ZNF568: variants seen among roughly 807,000 people sequenced by gnomAD.
The protein encoded by ZNF568 is p53 inhibitor of SCO2 activation.
ZNF568 carries 11 observed loss-of-function variants against 18.1 expected under a neutral mutation model. That is an observed-to-expected ratio of 0.61 (90% CI 0.38 to 1.00). ZNF568 has a LOEUF of 1.00. ZNF568 is among the 50% of genes least tolerant of loss of function. The probability of loss-of-function intolerance (pLI) is 0.01; values close to 1 mark genes in which losing one functional copy is unlikely to be tolerated. For synonymous variants in ZNF568, 213 were observed against 246.6 expected (o/e 0.86, Z 1.28); for missense variants, 639 against 768.2 (o/e 0.83, Z 1.99).
chr19:36,928,911 ATTGTCTTTAAC>A (rs747364976), intron 4 of ZNF568, among the ~76,000 whole-genome samples: 93 of 68,824 alleles, frequency 1.4e-3, no homozygotes, highest in Middle Eastern at 6.6e-3. Context: ...ATTAATATAA[ATTGTCTTTAAC>A]CTACATAGAT....
At chr19:36,982,124 TG>T, downstream of ZNF568, among the ~76,000 whole-genome samples, 1 of 152,166 alleles carries the variant, frequency 6.6e-6, no homozygotes, top group Non-Finnish European at 1.5e-5. Flanking sequence ...TGTAAATAAT[TG>T]TCTTTGTCTA....
Position 36,950,243 on chromosome 19 carries a change from T to C in ZNF568, c.1090T>C (p.Cys364Arg), listed in dbSNP as rs776671384. Reference protein sequence around the residue: ...KIHTGEKPYACNECGRAFSRM... With the variant: ...KIHTGEKPYARNECGRAFSRM... ...TCATACTGGGGAGAAACCTTATGCATGTAATGAATGTGGTAGAGCTTTTTC... is the reference window on the plus strand; with the variant it reads ...TCATACTGGGGAGAAACCTTATGCACGTAATGAATGTGGTAGAGCTTTTTC... Residue 364 changes from cysteine to arginine, a missense_variant, in exon 7 of 7, where the codon TGT becomes CGT. Coordinates refer to ENST00000333987, the MANE Select transcript of ZNF568 (RefSeq NM_198539.4). The C allele has an allele frequency of 6.2e-7, 1 of 1,613,966 alleles. No homozygotes were observed. Among genetic ancestry groups the C allele is most frequent in the Non-Finnish European group, 8.5e-7 (1 of 1,179,928 alleles).
chr19:36,923,434 C>T (rs996840288), intron 3 of ZNF568, among the ~76,000 whole-genome samples: 2 of 151,936 alleles, frequency 1.3e-5, no homozygotes, highest in African/African-American at 4.8e-5. Flanking sequence ...GTCAGTTTCC[C>T]CAGCAAGAAG....
rs1387070062 is a variant in ZNF568 at position 36,922,716 on chromosome 19, C to T, written c.-55C>T. ...TGGAGAGTCCTGAAAGAGAGTGGAC[C>T]CTGGAGTTGCTGGAGCTTGTCTTGA... is the stretch of plus-strand genomic sequence containing the variant. On this transcript the variant is annotated 5_prime_UTR_variant, in exon 3 of 7. Coordinates refer to ENST00000333987, the MANE Select transcript of ZNF568 (RefSeq NM_198539.4). The T allele has an allele frequency of 6.6e-7, 1 of 1,525,822 alleles. No homozygotes were observed. The allele number at this position is 1,525,822 out of a possible 1,614,324, so 94.5% of individuals were successfully genotyped here.
intron 2 of ZNF568, among the ~76,000 whole-genome samples, chr19:36,919,328 G>T (rs2146262855): frequency 6.6e-6 from 1 of 152,240 alleles, no homozygotes; most frequent in African/African-American, 2.4e-5. Flanking sequence ...ATAGTCATGT[G>T]CCATATATGT....
exon 5 of ZNF568, chr19:36,997,157 G>A (rs534344112): frequency 1.3e-6 from 2 of 1,587,370 alleles, no homozygotes; most frequent in East Asian, 2.3e-5. Context: ...AAGGTGTACA[G>A]TTGTGCCTCA....
intron 7 of ZNF568, among the ~76,000 whole-genome samples, chr19:36,977,740 T>C (rs1175016691): frequency 1.3e-5 from 2 of 152,230 alleles, no homozygotes; most frequent in East Asian, 3.9e-4. Flanking sequence ...TCTCCCTGTA[T>C]CTTCTGTCCT....
chr19:36,997,474 G>C, downstream of ZNF568: 2 of 1,588,028 alleles, frequency 1.3e-6, no homozygotes, highest in Non-Finnish European at 1.7e-6. Context: ...TAAGTGTAAG[G>C]AATGTGGGAA....
chr19:36,938,058 A>G (rs967670728), intron 6 of ZNF568, among the ~76,000 whole-genome samples: 2 of 152,176 alleles, frequency 1.3e-5, no homozygotes, highest in Non-Finnish European at 2.9e-5. Flanking sequence ...GTCTATTTCC[A>G]GAGAAAAACC....
chr19:36,991,862 CT>C (rs1439499469), intron 4 of ZNF568: 6 of 1,552,528 alleles, frequency 3.9e-6, no homozygotes, highest in Non-Finnish European at 5.2e-6. Flanking sequence ...TGACGATGAA[CT>C]GGAATGGGGA....
rs916536240 is a variant in ZNF568 at position 36,924,274 on chromosome 19, A to C, written c.77-926A>C. ...CGCTCTGTCGCCCAGGCTGGAGTGC[A>C]GTGGTGTGATCTCGGCTCACTGCAA... On this transcript the variant is annotated intron_variant, in intron 3 of 6. Transcript: ENST00000333987. Among the ~76,000 whole-genome samples the C allele has an allele frequency of 6.5e-4, 99 of 151,848 alleles. 3 individuals are homozygous for C. Among genetic ancestry groups the C allele is most frequent in the Non-Finnish European group, 8.8e-5 (6 of 67,952 alleles).
intron 3 of ZNF568, among the ~76,000 whole-genome samples, chr19:36,923,054 TTAAGTA>T (rs1366196423): frequency 1.3e-5 from 2 of 152,206 alleles, no homozygotes; most frequent in Non-Finnish European, 2.9e-5. Flanking sequence ...AAGAGTATGT[TTAAGTA>T]TATCTTTAAA....
intron 7 of ZNF568, chr19:36,974,475 C>A: frequency 6.5e-7 from 1 of 1,535,832 alleles, no homozygotes; most frequent in Non-Finnish European, 8.7e-7. Flanking sequence ...AGGTAAGTTG[C>A]ATTTGACATT....
exon 8 of ZNF568, chr19:36,979,332 CAT>C (rs1188156606): frequency 1.9e-5 from 3 of 155,758 alleles, no homozygotes; most frequent in Admixed American, 6.4e-5. Flanking sequence ...AATAGTAGAA[CAT>C]GTGTAATATA....
exon 5 of ZNF568, chr19:36,997,029 G>A (rs764459012): frequency 2.0e-5 from 32 of 1,561,450 alleles, no homozygotes; most frequent in African/African-American, 2.7e-5. Context: ...GAATCCATAC[G>A]GGTGAGAAAC....
rs1162475288 is a variant in ZNF568 at position 36,925,194 on chromosome 19, C to T, written c.77-6C>T. The T allele has an allele frequency of 2.5e-6, 4 of 1,613,808 alleles. No homozygotes were observed. Among genetic ancestry groups the T allele is most frequent in the Non-Finnish European group, 1.7e-6 (2 of 1,179,870 alleles). ...AAGCAAATCTGTTTCATTTCTCTTC[C>T]CTCAGCTTGGTGTTCTCAAGAGTCT... On this transcript the variant is annotated splice_region_variant and splice_polypyrimidine_tract_variant and intron_variant, in intron 3 of 6. Transcript: ENST00000333987.
chr19:36,939,528 C>CTTTCT, intron 6 of ZNF568, among the ~76,000 whole-genome samples: 2 of 114,482 alleles, frequency 1.7e-5, no homozygotes, highest in East Asian at 2.5e-4. Context: ...GATGTATTTT[C>CTTTCT]TTTCTTTTTT....
At chr19:36,956,045 G>A (rs524802), downstream of ZNF568, among the ~76,000 whole-genome samples, 54,607 of 151,976 alleles carry the variant, frequency 0.36, 10,086 homozygotes, top group African/African-American at 0.41. Context: ...AGTGCTTTCA[G>A]TAAGAGGGGT....
intron 4 of ZNF568, among the ~76,000 whole-genome samples, chr19:36,928,466 C>T (rs909217958): frequency 6.6e-6 from 1 of 152,064 alleles, no homozygotes; most frequent in African/African-American, 2.4e-5. Flanking sequence ...CAAGCTAGTA[C>T]CATGTTTACT....
Sources: gnomAD v4.1 joint callset for allele counts (sites outside exome capture counted in the v4.1 genomes callset) on GRCh38, gnomAD v4.1.1 for gene constraint, MANE v1.5 for transcripts, NCBI Gene and HGNC (gene_info 2026-07-23, HGNC 2026-07-21) for gene names.